TMEM132B: variants seen among roughly 807,000 people sequenced by gnomAD.
The protein encoded by TMEM132B is transmembrane protein 132B.
In TMEM132B, 18 loss-of-function variants were observed where a neutral mutation model predicts 90.8. The observed-to-expected ratio is 0.20, with a 90% confidence interval of 0.14 to 0.29. The LOEUF is 0.29. Among genes scored for constraint, TMEM132B ranks in the 10% least tolerant of loss-of-function variants. TMEM132B has a pLI of 1.00. For missense variants in TMEM132B, 1,096 were observed against 1,326.8 expected, an observed-to-expected ratio of 0.83 and a Z score of 2.70; for synonymous variants, 504 against 523.3, an observed-to-expected ratio of 0.96 and a Z score of 0.50.
rs141906618 is a variant in TMEM132B, at chr12:125,358,583, G to C, written c.959+8240G>C. On this transcript the variant is annotated intron_variant, in intron 2 of 8. Coordinates refer to ENST00000682704, the MANE Select transcript of TMEM132B (RefSeq NM_001366854.1). ...AAGACTGCTGGCCAGTTATTTTTGA[G>C]AAAGTTCCTCAATTTGGGTCTGTCT... 1.8e-3 allele frequency among the ~76,000 whole-genome samples: 278 copies of C among 152,106 alleles called. 1 individual carries two copies. The highest frequency in any genetic ancestry group is 6.1e-3 in the African/African-American group (254 of 41,460).
In TMEM132B at chr12:125,514,957, A is replaced by G. The variant is rs1883071398; in HGVS notation, c.1107-4482A>G. On this transcript the variant is annotated intron_variant, in intron 3 of 8. Transcript: ENST00000682704. ...CTAAAAGGTGCCTCAGCCCCTCCTCAGGGGTCCCAGGGCTCCAGAGAGGAG... is the reference window on the plus strand; with the variant it reads ...CTAAAAGGTGCCTCAGCCCCTCCTCGGGGGTCCCAGGGCTCCAGAGAGGAG... Among the ~76,000 whole-genome samples, 4 of 152,214 alleles carry G rather than the reference A, an allele frequency of 2.6e-5. No homozygotes were observed. In the South Asian group the frequency reaches 8.3e-4, roughly 32 times the overall value.
Position 125,277,450 on chromosome 12 carries a change from T to C in TMEM132B, c.68-72002T>C, listed in dbSNP as rs1159578601. Among the ~76,000 whole-genome samples the C allele has an allele frequency of 6.7e-5, 10 of 148,262 alleles. No individual in the cohort carries two copies. In the Admixed American group the frequency reaches 6.8e-4, roughly 10 times the overall value. ...GCCAAGATCGTGCCATTTCACTCTA[T>C]GTGGGCAACAAGAGCAAGACTCTGT... On this transcript the variant is annotated intron_variant, in intron 1 of 8. Coordinates refer to ENST00000682704, the MANE Select transcript of TMEM132B (RefSeq NM_001366854.1). This position sits in a 1 kb window ranked among gnomAD's most constrained non-coding sequence, Gnocchi z 4.3.
At chr12:125,428,468 A>G (rs1880398397) in intron 3 of TMEM132B, among the ~76,000 whole-genome samples, 1 of 151,712 alleles carries the variant, frequency 6.6e-6, no homozygotes, top group African/African-American at 2.4e-5. Flanking sequence ...ACATTATATC[A>G]TATTATATCA....
At chr12:125,359,453 A>G (rs1490937146) in intron 2 of TMEM132B, among the ~76,000 whole-genome samples, 2 of 152,190 alleles carry the variant, frequency 1.3e-5, no homozygotes, top group Admixed American at 6.5e-5. Context: ...AAAAAAGACA[A>G]TGTCAAAAAA....
chr12:125,605,296 C>T (rs1885666200), intron 5 of TMEM132B, among the ~76,000 whole-genome samples: 1 of 152,188 alleles, frequency 6.6e-6, no homozygotes, highest in Non-Finnish European at 1.5e-5. Flanking sequence ...TATCGGGACA[C>T]ATTCCCTTGG....
chr12:125,454,015 A>G (rs941755544), intron 3 of TMEM132B, among the ~76,000 whole-genome samples: 9 of 152,142 alleles, frequency 5.9e-5, no homozygotes, highest in Admixed American at 3.9e-4. Context: ...TGAATTTACT[A>G]TTGTTTTGCT....
At chr12:125,611,864 G>A (rs1885835833) in intron 5 of TMEM132B, among the ~76,000 whole-genome samples, 1 of 152,114 alleles carries the variant, frequency 6.6e-6, no homozygotes, top group South Asian at 2.1e-4. Flanking sequence ...TACACTTAAG[G>A]AGAATATGTA....
chr12:125,430,430 C>T (rs991790406), intron 3 of TMEM132B, among the ~76,000 whole-genome samples: 14 of 152,112 alleles, frequency 9.2e-5, no homozygotes, highest in African/African-American at 1.7e-4. Flanking sequence ...GGCGGAAACC[C>T]GGTCTAGGGA....
chr12:125,251,200 G>C lies in TMEM132B; in HGVS notation c.67+64334G>C, dbSNP rs1874310747. Among the ~76,000 whole-genome samples, 1 of 152,162 alleles carries C rather than the reference G, an allele frequency of 6.6e-6. No homozygotes were observed. The highest frequency in any genetic ancestry group is 6.5e-5 in the Admixed American group (1 of 15,276). ...ATTTAATGGCATGGAGAAGGGATTT[G>C]CTTCTCCATACATGGTGCATTTAGC... is the stretch of plus-strand genomic sequence containing the variant. On this transcript the variant is annotated intron_variant, in intron 1 of 8. Transcript: ENST00000682704. This position sits in a 1 kb window ranked among gnomAD's most constrained non-coding sequence, Gnocchi z 4.4.
At position 125,432,517 on chromosome 12, in the gene TMEM132B, A is replaced by ATG. The variant is rs1478944520; in HGVS notation, c.1106+16841_1106+16842insGT. 2.7e-4 allele frequency among the ~76,000 whole-genome samples: 20 copies of ATG among 75,460 alleles called. 1 individual carries two copies. The highest frequency in any genetic ancestry group is 7.1e-4 in the East Asian group (2 of 2,822). The allele number at this position is 75,460 out of a possible 152,430, so 49.5% of individuals were successfully genotyped here. Reference sequence around the variant, plus strand: ...TGTATATATATGTGTGTGTGTATATATATATATATATAGAGAGAGAGAGAG... The same window carrying ATG: ...TGTATATATATGTGTGTGTGTATATATGTATATATATATAGAGAGAGAGAGAG... On this transcript the variant is annotated intron_variant, in intron 3 of 8. Coordinates refer to ENST00000682704, the MANE Select transcript of TMEM132B (RefSeq NM_001366854.1).
intron 1 of TMEM132B, among the ~76,000 whole-genome samples, chr12:125,324,230 A>C (rs1876499992): frequency 6.6e-6 from 1 of 152,204 alleles, no homozygotes; most frequent in Non-Finnish European, 1.5e-5. Context: ...TAGTAAATAA[A>C]TATATTGACA....
At chr12:125,335,030 G>C (rs1357469156) in intron 1 of TMEM132B, among the ~76,000 whole-genome samples, 1 of 152,210 alleles carries the variant, frequency 6.6e-6, no homozygotes, top group African/African-American at 2.4e-5. Flanking sequence ...GGATGCTTGA[G>C]TAAACAGATT....
In TMEM132B at chr12:125,249,400, G is replaced by A. The variant is rs149666034; in HGVS notation, c.67+62534G>A. Among the ~76,000 whole-genome samples, 57 of 152,272 alleles carry A rather than the reference G, an allele frequency of 3.7e-4. No individual in the cohort carries two copies. In the East Asian group the frequency reaches 9.7e-3, roughly 26 times the overall value. ...TGAAACAAAAGGAAAATTCTCACAA[G>A]GGCAGGAGCTGTTAGGTCTTTCTTT... On this transcript the variant is annotated intron_variant, in intron 1 of 8. Coordinates refer to ENST00000682704, the MANE Select transcript of TMEM132B (RefSeq NM_001366854.1).
At chr12:125,652,031 CAT>C (rs1319918313) in intron 7 of TMEM132B, among the ~76,000 whole-genome samples, 6 of 152,328 alleles carry the variant, frequency 3.9e-5, no homozygotes, top group East Asian at 3.9e-4. Context: ...TTTAAGGACT[CAT>C]GTGATTACAT....
At chr12:125,353,141 A>G (rs1295377321) in intron 2 of TMEM132B, among the ~76,000 whole-genome samples, 1 of 151,830 alleles carries the variant, frequency 6.6e-6, no homozygotes, top group African/African-American at 2.4e-5. Context: ...CACTCCCTCT[A>G]CCATGGCAGA....
In TMEM132B at chr12:125,525,670, C is replaced by T. The variant is rs56737548; in HGVS notation, c.1293+6045C>T. ...TTGTAGCTGGACAGAAGAAGAAGGA[C>T]CTGTGGTATACTCTGCAGGTGGGGT... On this transcript the variant is annotated intron_variant, in intron 4 of 8. Coordinates refer to ENST00000682704, the MANE Select transcript of TMEM132B (RefSeq NM_001366854.1). 0.011 allele frequency among the ~76,000 whole-genome samples: 1,650 copies of T among 152,254 alleles called. 113 individuals carry two copies. In the East Asian group the frequency reaches 0.2, roughly 19 times the overall value.
chr12:125,321,313 GA>G (rs2136190364), intron 1 of TMEM132B, among the ~76,000 whole-genome samples: 1 of 152,210 alleles, frequency 6.6e-6, no homozygotes, highest in East Asian at 1.9e-4. Context: ...TAGTCATTAG[GA>G]AAAGTCAAAT....
At chr12:125,468,159 A>G (rs746040562) in intron 3 of TMEM132B, among the ~76,000 whole-genome samples, 7 of 152,026 alleles carry the variant, frequency 4.6e-5, no homozygotes, top group Non-Finnish European at 7.4e-5. Context: ...TGGTAACTCT[A>G]TGTTTAACTT....
chr12:125,287,928 C>T (rs1176214268), intron 1 of TMEM132B, among the ~76,000 whole-genome samples: 4 of 152,028 alleles, frequency 2.6e-5, no homozygotes, highest in African/African-American at 4.8e-5. Flanking sequence ...AGTGCAATGG[C>T]GCGATCTCGG....
Sources: gnomAD v4.1 joint callset for allele counts (sites outside exome capture counted in the v4.1 genomes callset) on GRCh38, gnomAD v4.1.1 for gene constraint, Gnocchi (gnomAD v3.1) non-coding constraint, MANE v1.5 for transcripts, NCBI Gene and HGNC (gene_info 2026-07-23, HGNC 2026-07-21) for gene names.